The following UMAD1 variants were observed in gnomAD, a reference collection of about 807,000 sequenced individuals.
The protein encoded by UMAD1 is UBAP1-MVB12-associated (UMA)-domain containing protein 1.
A neutral mutation model predicts 6.1 loss-of-function variants in UMAD1; 8 were observed. The observed-to-expected ratio is 1.30, with a 90% CI of 0.76 to 2.35. The LOEUF (loss-of-function observed/expected upper bound fraction) is 2.35, where lower values mean the gene tolerates loss of function less well. UMAD1 is among the 30% of genes most tolerant of loss of function. The pLI, the probability that UMAD1 is intolerant of heterozygous loss-of-function variation, is 0.00. For missense variants in UMAD1, 130 were observed against 78.4 expected (o/e 1.66, Z -2.49); for synonymous variants, 56 against 31.4 (o/e 1.78, Z -2.61).
rs142929931 is a variant in UMAD1 at position 7,750,599 on chromosome 7, A to G, written c.83-51071A>G. Among the ~76,000 whole-genome samples, 4 of 152,304 alleles carry G rather than the reference A, an allele frequency of 2.6e-5. No homozygotes were observed. In the East Asian group the frequency reaches 7.7e-4, roughly 29 times the overall value. ...ATTTAACAAACACATATACAACACT[A>G]CTGTGTGTAAGGCACTGTTCTAAGT... On this transcript the variant is annotated intron_variant, in intron 2 of 3. Coordinates refer to ENST00000682710, the MANE Select transcript of UMAD1 (RefSeq NM_001302348.2).
chr7:7,761,187 A>G (rs1376188423), intron 2 of UMAD1, among the ~76,000 whole-genome samples: 1 of 152,090 alleles, frequency 6.6e-6, no homozygotes, highest in Non-Finnish European at 1.5e-5. Context: ...CAACACGGTA[A>G]AACCCTGTCT....
intron 2 of UMAD1, among the ~76,000 whole-genome samples, chr7:7,674,679 C>A (rs4140804): frequency 0.58 from 87,812 of 151,888 alleles, 25,612 homozygotes; most frequent in East Asian, 0.8. Context: ...GCTAATATGA[C>A]CCTTCCTTCA....
intron 2 of UMAD1, among the ~76,000 whole-genome samples, chr7:7,793,758 C>A (rs899081111): frequency 2.0e-5 from 3 of 152,024 alleles, no homozygotes; most frequent in Non-Finnish European, 2.9e-5. Flanking sequence ...AATGAATGTC[C>A]AAAAGCAAAT....
At chr7:7,712,767 T>C (rs1780799338) in intron 2 of UMAD1, among the ~76,000 whole-genome samples, 2 of 152,324 alleles carry the variant, frequency 1.3e-5, no homozygotes, top group African/African-American at 4.8e-5. Flanking sequence ...AAAGAATGCT[T>C]ATAATGTTTG....
At chr7:7,864,825 C>A (rs907721598) in intron 3 of UMAD1, among the ~76,000 whole-genome samples, 2 of 152,028 alleles carry the variant, frequency 1.3e-5, no homozygotes, top group African/African-American at 2.4e-5. Flanking sequence ...AGGGTTGGAA[C>A]CATCAGACCC....
At chr7:7,779,727 C>T (rs1782306083) in intron 2 of UMAD1, among the ~76,000 whole-genome samples, 1 of 152,144 alleles carries the variant, frequency 6.6e-6, no homozygotes, top group Non-Finnish European at 1.5e-5. Flanking sequence ...TCACTGCAAC[C>T]TCCACCTCCT....
chr7:7,805,825 C>G (rs1464484986), intron 3 of UMAD1, among the ~76,000 whole-genome samples: 2 of 152,172 alleles, frequency 1.3e-5, no homozygotes, highest in African/African-American at 4.8e-5. Context: ...ACTACCTCAG[C>G]TAATGTGTCC....
chr7:7,701,968 G>A (rs1032481900), intron 2 of UMAD1, among the ~76,000 whole-genome samples: 1 of 152,020 alleles, frequency 6.6e-6, no homozygotes, highest in African/African-American at 2.4e-5. Flanking sequence ...TCTTCTTAAC[G>A]AATTTTCCAA....
chr7:7,688,502 A>G (rs1370352673), intron 2 of UMAD1, among the ~76,000 whole-genome samples: 2 of 152,138 alleles, frequency 1.3e-5, no homozygotes. Flanking sequence ...GTGTTTCCTC[A>G]TGCAGAGTGC....
At chr7:7,780,378 T>C (rs1294573948) in intron 2 of UMAD1, among the ~76,000 whole-genome samples, 1 of 152,242 alleles carries the variant, frequency 6.6e-6, no homozygotes, top group African/African-American at 2.4e-5. Flanking sequence ...GCTATTCTTT[T>C]ATTTACAAAA....
intron 2 of UMAD1, among the ~76,000 whole-genome samples, chr7:7,677,783 C>A (rs946352034): frequency 1.4e-5 from 2 of 147,930 alleles, no homozygotes; most frequent in African/African-American, 5.0e-5. Context: ...ACGCCATTCT[C>A]CTGCCTCAGC....
intron 3 of UMAD1, among the ~76,000 whole-genome samples, chr7:7,855,760 C>T (rs766536061): frequency 3.9e-5 from 6 of 152,202 alleles, no homozygotes; most frequent in Admixed American, 1.3e-4. Context: ...GAATTTTTCT[C>T]CAGAAAATGG....
At chr7:7,644,977 G>T (rs1785062444) in intron 1 of UMAD1, among the ~76,000 whole-genome samples, 1 of 152,114 alleles carries the variant, frequency 6.6e-6, no homozygotes, top group African/African-American at 2.4e-5. Context: ...CTTTCCAAAA[G>T]GTCTCATACT....
intron 3 of UMAD1, among the ~76,000 whole-genome samples, chr7:7,825,930 T>G: frequency 6.6e-6 from 1 of 152,162 alleles, no homozygotes; most frequent in Non-Finnish European, 1.5e-5. Flanking sequence ...GCATATAACT[T>G]ACACACATCC....
intron 2 of UMAD1, among the ~76,000 whole-genome samples, chr7:7,796,211 C>T (rs1782674404): frequency 6.9e-6 from 1 of 144,142 alleles, no homozygotes; most frequent in African/African-American, 2.6e-5. Context: ...AAGCATTCTT[C>T]TGGCTGTACT....
At chr7:7,643,930 C>A (rs1185619495) in intron 1 of UMAD1, among the ~76,000 whole-genome samples, 1 of 152,052 alleles carries the variant, frequency 6.6e-6, no homozygotes, top group Non-Finnish European at 1.5e-5. Context: ...ATTTTTTCGT[C>A]TGAGGAGGCA....
intron 2 of UMAD1, among the ~76,000 whole-genome samples, chr7:7,744,356 T>C (rs780048074): frequency 1.3e-5 from 2 of 152,194 alleles, no homozygotes; most frequent in Non-Finnish European, 2.9e-5. Flanking sequence ...GCTTTTTGGA[T>C]ATAATGAATA....
At chr7:7,865,058 C>T (rs558082264) in intron 3 of UMAD1, among the ~76,000 whole-genome samples, 129 of 152,174 alleles carry the variant, frequency 8.5e-4, no homozygotes, top group Non-Finnish European at 1.7e-3. Flanking sequence ...TGCATCTCTT[C>T]TGTTTGACTG....
chr7:7,653,260 T>G (rs1362174626), intron 1 of UMAD1, among the ~76,000 whole-genome samples: 1 of 152,230 alleles, frequency 6.6e-6, no homozygotes, highest in Non-Finnish European at 1.5e-5. Flanking sequence ...CAGTTATATT[T>G]GTAACTTTCC....
Sources: allele counts gnomAD v4.1 joint callset (sites outside exome capture counted in the v4.1 genomes callset), GRCh38; gene constraint gnomAD v4.1.1; transcripts MANE v1.5; gene names NCBI Gene and HGNC (gene_info 2026-07-23, HGNC 2026-07-21).